The following ADAMTS9 variants were observed in gnomAD, a reference collection of about 807,000 sequenced individuals.
ADAMTS9 encodes the protein A disintegrin and metalloproteinase with thrombospondin motifs 9.
A neutral mutation model predicts 257.1 loss-of-function variants in ADAMTS9; 107 were observed. The observed-to-expected ratio is 0.42, with a 90% CI of 0.36 to 0.49. The LOEUF is 0.49. ADAMTS9 is among the 20% of genes least tolerant of loss of function. The pLI, the probability that ADAMTS9 is intolerant of heterozygous loss-of-function variation, is 0.03. For synonymous variants in ADAMTS9, 982 were observed against 880.9 expected, an observed-to-expected ratio of 1.11 and a Z score of -2.03; for missense variants, 2,353 against 2,469.1, an observed-to-expected ratio of 0.95 and a Z score of 1.00.
intron 2 of ADAMTS9, among the ~76,000 whole-genome samples, chr3:64,683,545 G>C (rs888726520): frequency 2.0e-5 from 3 of 152,118 alleles, no homozygotes; most frequent in African/African-American, 7.2e-5. Context: ...AAAATGTGTT[G>C]TTCTGAGGAT....
intron 2 of ADAMTS9, 129 bp from the exon 3 acceptor site, chr3:64,681,492 A>G (rs879665739): frequency 9.3e-5 from 86 of 927,764 alleles, no homozygotes; most frequent in Non-Finnish European, 1.3e-4. Flanking sequence ...GGGTTGTTTC[A>G]ACTGAAAATG....
At chr3:64,606,359 C>T (rs1314568292) in intron 23 of ADAMTS9, among the ~76,000 whole-genome samples, 3 of 152,166 alleles carry the variant, frequency 2.0e-5, no homozygotes, top group Admixed American at 6.5e-5. Flanking sequence ...CATTTTCAAG[C>T]TATGAACTTG....
At chr3:64,614,611 G>C (rs905311652) in intron 21 of ADAMTS9, among the ~76,000 whole-genome samples, 14 of 152,280 alleles carry the variant, frequency 9.2e-5, no homozygotes, top group Admixed American at 6.5e-5. Flanking sequence ...TAAGGAACGT[G>C]GAGTGAGTCC....
At chr3:64,648,179 T>A (rs534649877) in intron 10 of ADAMTS9, 135 bp from the exon 11 acceptor site, 30 of 769,236 alleles carry the variant, frequency 3.9e-5, no homozygotes, top group Admixed American at 1.6e-4. Flanking sequence ...TTTCTTGGTA[T>A]GATAAATGCT....
intron 27 of ADAMTS9, among the ~76,000 whole-genome samples, chr3:64,596,555 A>G (rs2084367917): frequency 6.6e-6 from 1 of 152,146 alleles, no homozygotes; most frequent in African/African-American, 2.4e-5. Flanking sequence ...AAAAGCATCT[A>G]TTTTTTAATC....
rs765036458 is a variant in ADAMTS9, at chr3:64,655,778, A to G, written c.1053+14T>C. On this transcript the variant is annotated intron_variant, in intron 5 of 39. Transcript: ENST00000498707. ...CGGATACAGATAGAAGAAAAAAGAA[A>G]AAAACTTTATTACCTGTTCATTATG... is the stretch of plus-strand genomic sequence containing the variant. 9 of 1,570,052 alleles carry G rather than the reference A, an allele frequency of 5.7e-6. No individual in the cohort carries two copies. Among genetic ancestry groups the G allele is most frequent in the Non-Finnish European group, 6.9e-6 (8 of 1,159,088 alleles).
At chr3:64,541,058 A>G in intron 36 of ADAMTS9, 37 bp downstream of exon 36, 2 of 1,611,408 alleles carry the variant, frequency 1.2e-6, no homozygotes, top group Non-Finnish European at 1.7e-6. Flanking sequence ...TGGAGAGAAG[A>G]ACGCACACGT....
At chr3:64,599,293 CT>C (rs1035838591) in intron 26 of ADAMTS9, among the ~76,000 whole-genome samples, 1 of 152,208 alleles carries the variant, frequency 6.6e-6, no homozygotes, top group African/African-American at 2.4e-5. Context: ...GACTTTCAGT[CT>C]GGACTTTTGT....
rs1053641467 is a variant in ADAMTS9, at chr3:64,672,184, C to T, written c.679+9017G>A. Among the ~76,000 whole-genome samples the T allele has an allele frequency of 2.0e-5, 3 of 152,312 alleles. No homozygotes were observed. In the East Asian group the frequency reaches 5.8e-4, roughly 29 times the overall value. The stretch of plus-strand genomic sequence containing the variant: ...GAAAGATGTGCGTCTTAGCCAGTTT[C>T]AGATGGTTCCTATGAAGGTGAACAC... On this transcript the variant is annotated intron_variant, in intron 3 of 39. Transcript: ENST00000498707.
intron 3 of ADAMTS9, among the ~76,000 whole-genome samples, chr3:64,677,752 T>G (rs575465491): frequency 3.3e-5 from 5 of 152,316 alleles, no homozygotes; most frequent in African/African-American, 7.2e-5. Context: ...CCTCACTTTA[T>G]ATTCTAAAGT....
At chr3:64,626,759 G>A (rs1332251503) in intron 16 of ADAMTS9, among the ~76,000 whole-genome samples, 1 of 152,150 alleles carries the variant, frequency 6.6e-6, no homozygotes, top group Non-Finnish European at 1.5e-5. Context: ...GTGCTCAATC[G>A]ATGATGCTGA....
chr3:64,553,005 A>G (rs2083288989), intron 30 of ADAMTS9, among the ~76,000 whole-genome samples: 1 of 151,840 alleles, frequency 6.6e-6, no homozygotes, highest in South Asian at 2.1e-4. Context: ...TCACTCAGAA[A>G]TGTCTTCTAT....
chr3:64,620,179 A>G (rs10433642), intron 19 of ADAMTS9, among the ~76,000 whole-genome samples: 38,205 of 151,938 alleles, frequency 0.25, 6,003 homozygotes, highest in East Asian at 0.52. Context: ...CACTCGTACC[A>G]TAACTGCTCC....
At position 64,561,662 on chromosome 3, in the gene ADAMTS9, G is replaced by A; in HGVS notation, c.4614C>T (p.Asn1538=). The change falls in exon 30 of 40, where the codon AAC becomes AAT. Residue 1538 remains asparagine, a synonymous_variant. Coordinates refer to ENST00000498707, the MANE Select transcript of ADAMTS9 (RefSeq NM_182920.2). ...THKIARETEC[N]PYTRPESERD... ...GTTCCGACTCCGGTCTGGTGTATGG[G>A]TTGCACTCGGTCTCTCTGGCTATTT... 6.2e-7 allele frequency: 1 copy of A among 1,614,096 alleles called. No individual in the cohort carries two copies. Among genetic ancestry groups the A allele is most frequent in the Non-Finnish European group, 8.5e-7 (1 of 1,180,010 alleles).
chr3:64,551,202 T>C, intron 30 of ADAMTS9, 140 bp from the exon 31 acceptor site: 1 of 1,014,354 alleles, frequency 9.9e-7, no homozygotes, highest in Non-Finnish European at 1.4e-6. Context: ...TTCTCGTTTT[T>C]TTGTTTTTTT....
At chr3:64,616,435 G>A (rs917655116) in intron 19 of ADAMTS9, among the ~76,000 whole-genome samples, 14 of 152,116 alleles carry the variant, frequency 9.2e-5, no homozygotes, top group African/African-American at 1.7e-4. Flanking sequence ...TAGTCAATCT[G>A]AAATTCAAGC....
At chr3:64,615,074 C>G (rs2084736032) in intron 21 of ADAMTS9, 6 of 384,666 alleles carry the variant, frequency 1.6e-5, no homozygotes, top group Admixed American at 4.3e-5. Flanking sequence ...TTCAAAATCA[C>G]AACAGAAGCT....
At chr3:64,561,486 G>T in intron 30 of ADAMTS9, 92 bp downstream of exon 30, 1 of 1,394,738 alleles carries the variant, frequency 7.2e-7, no homozygotes. Context: ...CGTGCTCGGT[G>T]ACTTCTCTGG....
chr3:64,523,396 T>C (rs1225815712), intron 38 of ADAMTS9, among the ~76,000 whole-genome samples: 1 of 152,120 alleles, frequency 6.6e-6, no homozygotes, highest in Non-Finnish European at 1.5e-5. Flanking sequence ...CTAGTGGAAC[T>C]AGTGGAATAG....
Sources: gnomAD v4.1 joint callset for allele counts (sites outside exome capture counted in the v4.1 genomes callset) on GRCh38, gnomAD v4.1.1 for gene constraint, MANE v1.5 for transcripts, NCBI Gene and HGNC (gene_info 2026-07-23, HGNC 2026-07-21) for gene names.